Variants in KIRREL1 observed in about 807,000 individuals in gnomAD.
KIRREL1 encodes the protein kirre like nephrin family adhesion molecule 1.
Under a neutral mutation model 83.3 loss-of-function variants are expected in KIRREL1, and 25 were observed. The observed-to-expected ratio is 0.30, with a 90% CI of 0.22 to 0.42. KIRREL1 has a LOEUF of 0.42. KIRREL1 is among the 10% of genes least tolerant of loss of function. KIRREL1 has a pLI of 1.00. For missense variants in KIRREL1, 812 were observed against 1,032.3 expected (o/e 0.79, Z 2.92); for synonymous variants, 388 against 410.4 (o/e 0.95, Z 0.66).
At chr1:158,017,641 G>A (rs528501362) in intron 1 of KIRREL1, among the ~76,000 whole-genome samples, 2 of 152,102 alleles carry the variant, frequency 1.3e-5, no homozygotes, top group South Asian at 4.2e-4. Context: ...GCAGTGAGCC[G>A]AGATTGCGCT....
chr1:158,078,257 C>T (rs1461700016), intron 3 of KIRREL1, 117 bp downstream of exon 3: 2 of 1,143,382 alleles, frequency 1.7e-6, no homozygotes, highest in Non-Finnish European at 2.5e-6. Context: ...TGTTACTGGC[C>T]TTATCCCTGC....
At chr1:158,074,649 G>A (rs1661617132) in intron 1 of KIRREL1, among the ~76,000 whole-genome samples, 1 of 152,188 alleles carries the variant, frequency 6.6e-6, no homozygotes, top group Non-Finnish European at 1.5e-5. Flanking sequence ...TGCCCAAGAG[G>A]CCAAGGAATT....
chr1:158,002,472 G>A (rs934105487), intron 1 of KIRREL1, among the ~76,000 whole-genome samples: 1 of 152,208 alleles, frequency 6.6e-6, no homozygotes, highest in African/African-American at 2.4e-5. Flanking sequence ...GTGAGCTCTG[G>A]TTTTTCAAAT....
At chr1:157,995,121 T>C (rs185942116) in intron 1 of KIRREL1, among the ~76,000 whole-genome samples, 13 of 152,336 alleles carry the variant, frequency 8.5e-5, no homozygotes, top group African/African-American at 2.9e-4. Context: ...CAGGCATTAT[T>C]GCCCTGCTTT....
Position 158,096,486 on chromosome 1 carries a change from C to T in KIRREL1, c.*1366C>T. 2.4e-6 allele frequency: 1 copy of T among 425,510 alleles called. No individual in the cohort carries two copies. Among genetic ancestry groups the T allele is most frequent in the Non-Finnish European group, 4.8e-6 (1 of 208,982 alleles). The allele number at this position is 425,510 out of a possible 1,614,324, so 26.4% of individuals were successfully genotyped here. ...TGTGTGGGGAGTGGGTACTTGTGAG[C>T]CTCGGACACACTGTTAAGTGTTACA... On this transcript the variant is annotated 3_prime_UTR_variant, in exon 15 of 15. Transcript: ENST00000359209.
intron 1 of KIRREL1, among the ~76,000 whole-genome samples, chr1:158,039,585 C>A (rs935716142): frequency 1.3e-5 from 2 of 152,212 alleles, no homozygotes; most frequent in African/African-American, 4.8e-5. Context: ...CCTCCCACCC[C>A]ACACTTACTC....
chr1:158,019,001 C>T (rs1293842444), intron 1 of KIRREL1, among the ~76,000 whole-genome samples: 1 of 152,224 alleles, frequency 6.6e-6, no homozygotes, highest in Non-Finnish European at 1.5e-5. Flanking sequence ...TTCCCTACTT[C>T]CCTATTCCTG....
intron 1 of KIRREL1, among the ~76,000 whole-genome samples, chr1:158,033,927 G>A (rs527258660): frequency 5.3e-5 from 8 of 151,592 alleles, no homozygotes; most frequent in African/African-American, 1.9e-4. Context: ...TGCAGTGAGC[G>A]GAGATTCTGC....
intron 1 of KIRREL1, among the ~76,000 whole-genome samples, chr1:158,020,185 C>G (rs1023967577): frequency 1.3e-5 from 2 of 152,070 alleles, no homozygotes; most frequent in African/African-American, 4.8e-5. Context: ...AGCACCTGGT[C>G]AGGATATCCC....
intron 1 of KIRREL1, among the ~76,000 whole-genome samples, chr1:158,062,147 G>T (rs72711951): frequency 6.6e-6 from 1 of 152,144 alleles, no homozygotes; most frequent in African/African-American, 2.4e-5. Flanking sequence ...AGAGTGGTAA[G>T]ATGAGTGGTT....
At chr1:158,029,366 T>TGTGTGCGC (rs1553238087) in intron 1 of KIRREL1, among the ~76,000 whole-genome samples, 24 of 149,028 alleles carry the variant, frequency 1.6e-4, no homozygotes, top group African/African-American at 5.2e-4. Flanking sequence ...TGTGTGTGTG[T>TGTGTGCGC]GCACGTGCGC....
intron 1 of KIRREL1, among the ~76,000 whole-genome samples, chr1:158,055,211 A>G (rs1661020728): frequency 6.6e-6 from 1 of 152,040 alleles, no homozygotes; most frequent in South Asian, 2.1e-4. Context: ...AGGTGGGAGC[A>G]TGGAAAGAGA....
intron 1 of KIRREL1, among the ~76,000 whole-genome samples, chr1:158,072,360 A>C (rs1296328139): frequency 6.6e-6 from 1 of 151,962 alleles, no homozygotes; most frequent in African/African-American, 2.4e-5. Flanking sequence ...TATTTGGAAC[A>C]CCCGTAGTGT....
rs1231215734 is a variant in KIRREL1 at position 158,088,137 on chromosome 1, C to G, written c.899C>G (p.Thr300Ser). ...HNKVGSTNVSTLVNVHFAPRI... is the reference protein window; with the variant it reads ...HNKVGSTNVSSLVNVHFAPRI... ...AAAGTGGGAAGCACCAATGTCAGCA[C>G]TTTAGTAAATGTCCACTGTGAGTAG... Residue 300 changes from threonine to serine, a missense_variant, in exon 7 of 15, where the codon ACT becomes AGT. Thr to Ser is a moderately conservative substitution (Grantham distance 58). This residue lies in a region of KIRREL1 where 472 missense variants were observed against 626.8 expected (regional missense o/e 0.75). Coordinates refer to ENST00000359209, the MANE Select transcript of KIRREL1 (RefSeq NM_018240.7). The G allele has an allele frequency of 6.2e-7, 1 of 1,614,184 alleles. No individual in the cohort carries two copies. The highest frequency in any genetic ancestry group is 1.1e-5 in the South Asian group (1 of 91,078).
At chr1:158,043,907 A>T (rs1660707005) in intron 1 of KIRREL1, among the ~76,000 whole-genome samples, 1 of 152,236 alleles carries the variant, frequency 6.6e-6, no homozygotes, top group South Asian at 2.1e-4. Context: ...TAGCTTTGTG[A>T]CATTAGGCAA....
At chr1:158,020,864 C>T (rs1659985135) in intron 1 of KIRREL1, among the ~76,000 whole-genome samples, 2 of 152,128 alleles carry the variant, frequency 1.3e-5, no homozygotes, top group African/African-American at 4.8e-5. Context: ...TTGTATTATC[C>T]ACTCCACTGC....
chr1:158,051,768 C>T lies in KIRREL1; in HGVS notation c.53-24345C>T, dbSNP rs114047047. ...TCCTTGGAATGACCTTGGATGGCCA[C>T]CAGGCCACTTGCCATTGACTTCTGC... On this transcript the variant is annotated intron_variant, in intron 1 of 14. Coordinates refer to ENST00000359209, the MANE Select transcript of KIRREL1 (RefSeq NM_018240.7). Among the ~76,000 whole-genome samples, 314 of 152,306 alleles carry T rather than the reference C, an allele frequency of 2.1e-3. 1 individual carries two copies. The highest frequency in any genetic ancestry group is 7.2e-3 in the African/African-American group (300 of 41,582).
In KIRREL1 at chr1:158,094,289, C is replaced by T. The variant is rs760893469; in HGVS notation, c.1720-24C>T. 33 of 1,584,900 alleles carry T rather than the reference C, an allele frequency of 2.1e-5. No homozygotes were observed. Among genetic ancestry groups the T allele is most frequent in the Middle Eastern group, 1.7e-4 (1 of 6,040 alleles). On this transcript the variant is annotated intron_variant, in intron 13 of 14. Coordinates refer to ENST00000359209, the MANE Select transcript of KIRREL1 (RefSeq NM_018240.7). This position sits in a 1 kb window ranked among gnomAD's most constrained non-coding sequence, Gnocchi z 4.6. ...AAAGAGCAGGGCTTCCGTCTGCTGA[C>T]GTCCCACTCCTGCTGCTCCACAGTC... is the stretch of plus-strand genomic sequence containing the variant.
intron 1 of KIRREL1, among the ~76,000 whole-genome samples, chr1:157,996,198 T>C (rs1659194662): frequency 6.6e-6 from 1 of 152,114 alleles, no homozygotes; most frequent in Non-Finnish European, 1.5e-5. Flanking sequence ...TTAAAGAATT[T>C]CAATGGGCTT....
Sources: gnomAD v4.1 joint callset for allele counts (sites outside exome capture counted in the v4.1 genomes callset) on GRCh38, gnomAD v4.1.1 for gene constraint, gnomAD v4.1.1 regional missense constraint, Gnocchi (gnomAD v3.1) non-coding constraint, MANE v1.5 for transcripts, NCBI Gene and HGNC (gene_info 2026-07-23, HGNC 2026-07-21) for gene names.